Variants in IGSF10 observed in about 807,000 individuals in gnomAD.
The protein encoded by IGSF10 is immunoglobulin superfamily member 10.
Under a neutral mutation model 128.2 loss-of-function variants are expected in IGSF10, and 126 were observed. The ratio of observed to expected loss-of-function variants is 0.98; its 90% CI spans 0.85 to 1.14. The LOEUF (loss-of-function observed/expected upper bound fraction) is 1.14, where lower values mean the gene tolerates loss of function less well. IGSF10 is among the 50% of genes most tolerant of loss of function. IGSF10 has a pLI of 0.00. For missense variants in IGSF10, 3,295 were observed against 3,149.8 expected (o/e 1.05, Z -1.10); for synonymous variants, 1,185 against 1,146.2 (o/e 1.03, Z -0.68).
the IGSF10 span, among the ~76,000 whole-genome samples, chr3:151,571,367 C>A: frequency 6.6e-6 from 1 of 151,972 alleles, no homozygotes; most frequent in East Asian, 1.9e-4. Flanking sequence ...ATGGAATGTT[C>A]TTCCATTTGT....
chr3:151,495,905 T>A, the IGSF10 span, among the ~76,000 whole-genome samples: 5 of 152,166 alleles, frequency 3.3e-5, no homozygotes, highest in Admixed American at 1.3e-4. Flanking sequence ...TTTCATTTTC[T>A]TCTACTGATA....
chr3:151,560,106 G>T, the IGSF10 span, among the ~76,000 whole-genome samples: 2 of 152,000 alleles, frequency 1.3e-5, no homozygotes, highest in Non-Finnish European at 2.9e-5. Context: ...ATGCCTTTTT[G>T]GTATATTGAT....
At chr3:151,539,674 C>T in the IGSF10 span, among the ~76,000 whole-genome samples, 1,602 of 152,196 alleles carry the variant, frequency 0.011, 30 homozygotes, top group African/African-American at 0.036. Context: ...CCTCCAACAC[C>T]CAGCTGGTTG....
the IGSF10 span, among the ~76,000 whole-genome samples, chr3:151,538,699 A>G: frequency 6.6e-4 from 100 of 152,252 alleles, no homozygotes; most frequent in Non-Finnish European, 1.0e-3. Context: ...AGGACACAAT[A>G]TTGCTTTAAG....
downstream of IGSF10, chr3:151,434,366 C>T (rs1719858838): frequency 6.6e-6 from 1 of 152,170 alleles, no homozygotes; most frequent in African/African-American, 2.4e-5. Flanking sequence ...TGTCAGCTTA[C>T]TTTGCTGTGG....
chr3:151,447,218 T>C lies in IGSF10; in HGVS notation c.2763A>G (p.Pro921=), dbSNP rs751772820. 1.9e-6 allele frequency: 3 copies of C among 1,614,210 alleles called. No homozygotes were observed. The highest frequency in any genetic ancestry group is 2.5e-6 in the Non-Finnish European group (3 of 1,180,036). Residue 921 remains proline, a synonymous_variant, in exon 6 of 8, where the codon CCA becomes CCG. Transcript: ENST00000282466. ...CTTTGATCATAGTCCTTACTGTTAT[T>C]GGGGGTCTACTTTGGAAATGCTCTC... ...RGREHFQSRP[P]ITVRTMIKDV...
At chr3:151,591,027 C>T in the IGSF10 span, among the ~76,000 whole-genome samples, 1 of 152,104 alleles carries the variant, frequency 6.6e-6, no homozygotes, top group South Asian at 2.1e-4. Context: ...GAAAGGGAGG[C>T]TACGTGTAGA....
the IGSF10 span, among the ~76,000 whole-genome samples, chr3:151,582,784 G>A: frequency 6.6e-6 from 1 of 152,060 alleles, no homozygotes; most frequent in Non-Finnish European, 1.5e-5. Context: ...AAATACAAAT[G>A]GTGATAGTGA....
At chr3:151,563,602 C>T in the IGSF10 span, among the ~76,000 whole-genome samples, 8 of 152,206 alleles carry the variant, frequency 5.3e-5, no homozygotes, top group East Asian at 1.5e-3. Flanking sequence ...TATCCAAGTG[C>T]TGGAGAGTTG....
At chr3:151,471,521 C>G in the IGSF10 span, among the ~76,000 whole-genome samples, 2,307 of 152,304 alleles carry the variant, frequency 0.015, 22 homozygotes, top group South Asian at 0.034. Context: ...TTGGCCCAAC[C>G]TGCAGAGCTT....
the IGSF10 span, among the ~76,000 whole-genome samples, chr3:151,617,697 G>C: frequency 3.9e-5 from 6 of 152,020 alleles, no homozygotes; most frequent in Non-Finnish European, 8.8e-5. Flanking sequence ...GGGGCCAGGA[G>C]CAAAGTGTTA....
rs145036931 is a variant in IGSF10, at chr3:151,437,302, A to C, written c.7259T>G (p.Ile2420Ser). 1.9e-6 allele frequency: 3 copies of C among 1,614,078 alleles called. No individual in the cohort carries two copies. Among genetic ancestry groups the C allele is most frequent in the African/African-American group, 2.7e-5 (2 of 74,942 alleles). Residue 2420 changes from isoleucine (I) to serine (S), a missense_variant, in exon 8 of 8, where the codon ATT becomes AGT. Coordinates refer to ENST00000282466, the MANE Select transcript of IGSF10 (RefSeq NM_178822.5). ...AATTTCTAATATGACTAATTTCTCA[A>C]TATAGCCAACTTTATTCCTAGCTGC... Reference protein sequence around the residue: ...RCAARNKVGYIEKLVILEIGQ... With the variant: ...RCAARNKVGYSEKLVILEIGQ...
the IGSF10 span, among the ~76,000 whole-genome samples, chr3:151,553,330 T>C: frequency 6.6e-6 from 1 of 152,166 alleles, no homozygotes; most frequent in African/African-American, 2.4e-5. Context: ...CTAATGAAGC[T>C]AATGAGAAGA....
chr3:151,445,938 T>C lies in IGSF10; in HGVS notation c.4043A>G (p.Gln1348Arg). The C allele has an allele frequency of 6.2e-7, 1 of 1,614,222 alleles. No individual in the cohort carries two copies. The highest frequency in any genetic ancestry group is 1.1e-5 in the South Asian group (1 of 91,088). Residue 1348 changes from glutamine (Q) to arginine (R), a missense_variant, in exon 6 of 8, where the codon CAG becomes CGG. Gln to Arg is a conservative substitution (Grantham distance 43). Transcript: ENST00000282466. ...AGTCCTGTTCTTCTTTTGAGGCTCC[T>C]GTTCTCTTTGTATTGTTTGTGCTCT... ...RSRAQTIQRE[Q>R]EPQKKNRTDP...
chr3:151,584,313 T>A, the IGSF10 span, among the ~76,000 whole-genome samples: 2 of 152,212 alleles, frequency 1.3e-5, no homozygotes, highest in African/African-American at 4.8e-5. Context: ...CGTACCCTTT[T>A]TATAAGCAAC....
the IGSF10 span, among the ~76,000 whole-genome samples, chr3:151,596,342 A>G: frequency 6.6e-6 from 1 of 152,214 alleles, no homozygotes; most frequent in Admixed American, 6.5e-5. Context: ...TGCGTCAGAC[A>G]TAATGTATTT....
chr3:151,583,289 G>T, the IGSF10 span, among the ~76,000 whole-genome samples: 1 of 151,562 alleles, frequency 6.6e-6, no homozygotes, highest in Non-Finnish European at 1.5e-5. Flanking sequence ...CCATACAATT[G>T]CATTTCAGGC....
chr3:151,447,182 G>T lies in IGSF10; in HGVS notation c.2799C>A (p.Val933=). The change falls in exon 6 of 8, where the codon GTC becomes GTA. Residue 933 remains valine (V), a synonymous_variant. Coordinates refer to ENST00000282466, the MANE Select transcript of IGSF10 (RefSeq NM_178822.5). ...TGTTGGTGGTGCTACTAAGCATTTTGACATTGACATCTTTGATCATAGTCC... is the reference window on the plus strand; with the variant it reads ...TGTTGGTGGTGCTACTAAGCATTTTTACATTGACATCTTTGATCATAGTCC... ...TVRTMIKDVN[V]KMLSSTTNKL... is the part of the protein sequence containing the mutation. 6.2e-7 allele frequency: 1 copy of T among 1,614,176 alleles called. No individual in the cohort carries two copies. The highest frequency in any genetic ancestry group is 1.7e-5 in the Admixed American group (1 of 60,030).
the IGSF10 span, among the ~76,000 whole-genome samples, chr3:151,618,661 C>T: frequency 4.6e-5 from 7 of 150,734 alleles, no homozygotes; most frequent in South Asian, 4.2e-4. Flanking sequence ...ACCCAGGAGG[C>T]GGAGCTTACA....
Sources: allele counts gnomAD v4.1 joint callset (sites outside exome capture counted in the v4.1 genomes callset), GRCh38; gene constraint gnomAD v4.1.1; transcripts MANE v1.5; gene names NCBI Gene and HGNC (gene_info 2026-07-23, HGNC 2026-07-21).